SNAP91: variants seen among roughly 807,000 people sequenced by gnomAD.
SNAP91 encodes the protein synaptosome associated protein 91, also known as clathrin coat assembly protein AP180.
A neutral mutation model predicts 100.3 loss-of-function variants in SNAP91; 27 were observed. That is an observed-to-expected ratio of 0.27 (90% CI 0.20 to 0.37). The LOEUF is 0.37. Ranked by LOEUF, SNAP91 falls within the 10% of genes least tolerant of loss-of-function variation. The probability of loss-of-function intolerance (pLI) is 1.00; values close to 1 mark genes in which losing one functional copy is unlikely to be tolerated. For synonymous variants in SNAP91, 404 were observed against 398.6 expected (o/e 1.01, Z -0.16); for missense variants, 986 against 1,123.7 (o/e 0.88, Z 1.75).
chr6:83,594,675 G>T, intron 16 of SNAP91, 194 bp from the exon 17 acceptor site: 1 of 495,562 alleles, frequency 2.0e-6, no homozygotes, highest in Non-Finnish European at 3.5e-6. Context: ...TAGTTAACAT[G>T]CAAGTGATAC....
At chr6:83,590,237 A>T (rs193103910) in intron 22 of SNAP91, among the ~76,000 whole-genome samples, 10 of 152,286 alleles carry the variant, frequency 6.6e-5, no homozygotes, top group African/African-American at 1.4e-4. Context: ...ATGTCTTGTG[A>T]GTTTGACTAA....
chr6:83,593,047 G>A (rs766120982), intron 19 of SNAP91, 30 bp from the exon 20 acceptor site: 2 of 1,555,736 alleles, frequency 1.3e-6, no homozygotes, highest in East Asian at 2.4e-5. Context: ...CCAAAACCAA[G>A]CAGAGGTAAG....
rs2128206216 is a variant in SNAP91 at position 83,593,572 on chromosome 6, A to G, written c.1602T>C (p.Ala534=). ...CAGCGGCGGTGGCAGCAGTAGTGGC[A>G]GCAGCAGCAGCTGCAACGGCAGGAG... The part of the protein sequence containing the change: ...SPAPAVAAAA[A]ATTAATAAAT... Residue 534 remains alanine, a synonymous_variant, in exon 18 of 30, where the codon GCT becomes GCC. Coordinates refer to ENST00000369694, the MANE Select transcript of SNAP91 (RefSeq NM_001242792.2). 6.5e-7 allele frequency: 1 copy of G among 1,545,912 alleles called. No individual in the cohort carries two copies. The highest frequency in any genetic ancestry group is 8.8e-7 in the Non-Finnish European group (1 of 1,139,212).
chr6:83,684,466 A>G (rs2099033918), intron 2 of SNAP91, among the ~76,000 whole-genome samples: 1 of 152,148 alleles, frequency 6.6e-6, no homozygotes, highest in Non-Finnish European at 1.5e-5. Flanking sequence ...CCACCTGTCC[A>G]TGAGTGGGCT....
chr6:83,603,727 C>T (rs990581604), intron 14 of SNAP91, among the ~76,000 whole-genome samples: 4 of 152,098 alleles, frequency 2.6e-5, no homozygotes, highest in South Asian at 2.1e-4. Context: ...AGGCTCACAG[C>T]GTGACTATAG....
At chr6:83,582,201 G>A in intron 23 of SNAP91, 21 bp downstream of exon 23, 2 of 1,612,064 alleles carry the variant, frequency 1.2e-6, no homozygotes, top group Non-Finnish European at 1.7e-6. Flanking sequence ...TGAAAAGAAT[G>A]TTTGAAAGTC....
At chr6:83,585,129 C>G (rs1476881792) in intron 22 of SNAP91, among the ~76,000 whole-genome samples, 1 of 152,170 alleles carries the variant, frequency 6.6e-6, no homozygotes, top group Non-Finnish European at 1.5e-5. Context: ...CTCCTGGTAA[C>G]TAACTGAAAA....
Position 83,561,236 on chromosome 6 carries a change from G to A in SNAP91, c.2443-289C>T, listed in dbSNP as rs560791092. On this transcript the variant is annotated intron_variant, in intron 26 of 29. Transcript: ENST00000369694. The stretch of plus-strand genomic sequence containing the variant: ...TTTTAAAAATTTTTTTGTAGAGATG[G>A]GTCATGCTATGCTGTGTAGGCTGGT... Among the ~76,000 whole-genome samples, 51 of 152,150 alleles carry A rather than the reference G, an allele frequency of 3.4e-4. 1 individual carries two copies. Among genetic ancestry groups the A allele is most frequent in the African/African-American group, 1.2e-3 (49 of 41,508 alleles).
At chr6:83,582,392 C>T in intron 22 of SNAP91, 36 bp from the exon 23 acceptor site, 1 of 1,592,198 alleles carries the variant, frequency 6.3e-7, no homozygotes, top group Non-Finnish European at 8.6e-7. Flanking sequence ...GCAGAAATAA[C>T]ATAAAGGTGG....
chr6:83,557,122 G>C (rs1025844979), intron 28 of SNAP91, among the ~76,000 whole-genome samples: 1 of 152,064 alleles, frequency 6.6e-6, no homozygotes, highest in Admixed American at 6.6e-5. Flanking sequence ...ATAACTTCTG[G>C]GAGCTGACTT....
At chr6:83,658,092 A>G (rs1262499968) in intron 6 of SNAP91, among the ~76,000 whole-genome samples, 1 of 151,950 alleles carries the variant, frequency 6.6e-6, no homozygotes, top group Non-Finnish European at 1.5e-5. Flanking sequence ...AGATTCTTCA[A>G]AATTAATTTT....
intron 2 of SNAP91, among the ~76,000 whole-genome samples, chr6:83,705,020 T>G (rs1234582653): frequency 2.0e-5 from 3 of 152,206 alleles, no homozygotes; most frequent in Middle Eastern, 3.2e-3. Context: ...TAAAGGAACT[T>G]CACAAAGAAT....
chr6:83,614,154 T>C (rs1249391573), intron 11 of SNAP91, among the ~76,000 whole-genome samples: 1 of 152,146 alleles, frequency 6.6e-6, no homozygotes, highest in Non-Finnish European at 1.5e-5. Context: ...AAAATACAGA[T>C]GTGAAAGATC....
rs1402627909 is a variant in SNAP91 at position 83,593,598 on chromosome 6, C to G, written c.1576G>C (p.Ala526Pro). ...GCAGCAGCAGCTGCAACGGCAGGAG[C>G]AGGAGAAGGAGCAGTTGCGGGAACT... ...PPVPATAPSPAPAVAAAAAAT... is the reference protein window; with the variant it reads ...PPVPATAPSPPPAVAAAAAAT... Residue 526 changes from alanine to proline, a missense_variant, in exon 18 of 30, where the codon GCT becomes CCT. Transcript: ENST00000369694. 6.3e-7 allele frequency: 1 copy of G among 1,581,728 alleles called. No homozygotes were observed. Among genetic ancestry groups the G allele is most frequent in the Non-Finnish European group, 8.6e-7 (1 of 1,164,068 alleles).
At position 83,670,982 on chromosome 6, in the gene SNAP91, T is replaced by C. The variant is rs891359553; in HGVS notation, c.131-5401A>G. 6.6e-5 allele frequency among the ~76,000 whole-genome samples: 10 copies of C among 152,006 alleles called. No homozygotes were observed. The South Asian group carries it at 2.1e-3, about 31-fold the overall frequency. ...TATTTTGTTCAAAATGGTTTGTGGC[T>C]TTTTTAGGTCCTTTGTATTTCCGTA... On this transcript the variant is annotated intron_variant, in intron 2 of 29. Transcript: ENST00000369694.
At chr6:83,583,050 G>A (rs903525548) in intron 22 of SNAP91, among the ~76,000 whole-genome samples, 14 of 152,052 alleles carry the variant, frequency 9.2e-5, no homozygotes, top group African/African-American at 2.9e-4. Context: ...GAATTCCTTC[G>A]TGTAGTGATC....
chr6:83,694,093 T>C (rs925149325), intron 2 of SNAP91, among the ~76,000 whole-genome samples: 1 of 152,196 alleles, frequency 6.6e-6, no homozygotes, highest in Non-Finnish European at 1.5e-5. Flanking sequence ...AAGTTACAGA[T>C]GAAAAAACTA....
intron 26 of SNAP91, among the ~76,000 whole-genome samples, chr6:83,572,023 C>T (rs145278028): frequency 0.022 from 3,358 of 152,236 alleles, 106 homozygotes; most frequent in African/African-American, 0.074. Context: ...CCTTGTCTTC[C>T]GCCATGATTG....
intron 2 of SNAP91, among the ~76,000 whole-genome samples, chr6:83,676,104 C>G (rs2098886514): frequency 7.6e-6 from 1 of 132,336 alleles, no homozygotes; most frequent in South Asian, 2.5e-4. Flanking sequence ...GAGCAAGACC[C>G]TATCTCAAAA....
Sources: gnomAD v4.1 joint callset for allele counts (sites outside exome capture counted in the v4.1 genomes callset) on GRCh38, gnomAD v4.1.1 for gene constraint, MANE v1.5 for transcripts, NCBI Gene and HGNC (gene_info 2026-07-23, HGNC 2026-07-21) for gene names.